The following PRDM6 variants were observed in gnomAD, a reference collection of about 807,000 sequenced individuals.
The protein encoded by PRDM6 is putative histone-lysine N-methyltransferase PRDM6.
A neutral mutation model predicts 60.8 loss-of-function variants in PRDM6; 25 were observed. The observed-to-expected ratio is 0.41, with a 90% confidence interval of 0.30 to 0.57. The LOEUF is 0.57. Among genes scored for constraint, PRDM6 ranks in the 20% least tolerant of loss-of-function variants. The pLI, the probability that PRDM6 is intolerant of heterozygous loss-of-function variation, is 0.27. For synonymous variants in PRDM6, 407 were observed against 357.4 expected, an observed-to-expected ratio of 1.14 and a Z score of -1.57; for missense variants, 839 against 821.3, an observed-to-expected ratio of 1.02 and a Z score of -0.26.
intron 3 of PRDM6, among the ~76,000 whole-genome samples, chr5:123,152,137 A>G (rs1561857830): frequency 1.3e-5 from 2 of 152,190 alleles, no homozygotes; most frequent in African/African-American, 2.4e-5. Flanking sequence ...CTAGGCTGTC[A>G]CTTCAAACAG....
intron 3 of PRDM6, among the ~76,000 whole-genome samples, chr5:123,138,446 T>G (rs1561844329): frequency 6.6e-6 from 1 of 152,254 alleles, no homozygotes; most frequent in South Asian, 2.1e-4. Flanking sequence ...TAAGCACCTA[T>G]ATAATCTCTG....
intron 3 of PRDM6, among the ~76,000 whole-genome samples, chr5:123,143,365 A>G (rs1373591195): frequency 5.3e-5 from 8 of 152,122 alleles, no homozygotes; most frequent in African/African-American, 1.9e-4. Context: ...CAGCCCACAG[A>G]TGCTTCCTGT....
intron 5 of PRDM6, among the ~76,000 whole-genome samples, chr5:123,164,180 A>G (rs1353450787): frequency 6.6e-6 from 1 of 152,168 alleles, no homozygotes; most frequent in African/African-American, 2.4e-5. Context: ...ACATAACCAC[A>G]ATATCAAACA....
At position 123,170,834 on chromosome 5, in the gene PRDM6, A is replaced by T. The variant is rs776863567; in HGVS notation, c.1222A>T (p.Ser408Cys). Residue 408 changes from serine (S) to cysteine (C), a missense_variant, in exon 6 of 8, where the codon AGC (serine) becomes TGC (cysteine). Physicochemically the swap from Ser to Cys is moderately radical, Grantham distance 112. This residue lies in a region of PRDM6 where 730 missense variants were observed against 648.8 expected (regional missense o/e 1.13). Transcript: ENST00000407847. ...QDALQPFNKSSKLAPTTQQRS... is the reference protein window; with the variant it reads ...QDALQPFNKSCKLAPTTQQRS... ...CGCCCTGCAGCCCTTCAACAAAAGC[A>T]GCAAACTCGCCCCTACCACCCAGCA... is the stretch of plus-strand genomic sequence containing the variant. The T allele has an allele frequency of 1.6e-5, 25 of 1,552,134 alleles. No individual in the cohort carries two copies. Among genetic ancestry groups the T allele is most frequent in the Non-Finnish European group, 2.2e-5 (25 of 1,147,118 alleles).
At chr5:123,167,348 G>A (rs576824054) in intron 5 of PRDM6, among the ~76,000 whole-genome samples, 4 of 151,004 alleles carry the variant, frequency 2.6e-5, no homozygotes, top group African/African-American at 7.3e-5. Context: ...AATATAAAAG[G>A]TTATGTGACC....
At position 123,099,598 on chromosome 5, in the gene PRDM6, C is replaced by G. The variant is rs335165; in HGVS notation, c.593-56C>G. 0.21 allele frequency: 288,969 copies of G among 1,402,632 alleles called. 32,499 individuals carry two copies. The highest frequency in any genetic ancestry group is 0.23 in the Non-Finnish European group (251,507 of 1,071,912). 86.9% of individuals were successfully genotyped at this position (1,402,632 alleles called of 1,614,324 possible). A position where few individuals can be genotyped will look rare whatever the true frequency, so the allele number is the denominator to read the frequency against. On this transcript the variant is annotated intron_variant, in intron 2 of 7. Transcript: ENST00000407847. The surrounding 1 kb of genome is among the most constrained non-coding windows in gnomAD (Gnocchi z 4.0). The stretch of plus-strand genomic sequence containing the variant: ...CGGGAGTTTACTCAAAGATGGGCCG[C>G]TCGGGGCGGCCGGATTAACCCGCTC...
rs983859340 is a variant in PRDM6 at position 123,090,287 on chromosome 5, C to T, written c.273C>T (p.Ser91=). 3 of 1,490,996 alleles carry T rather than the reference C, an allele frequency of 2.0e-6. No individual in the cohort carries two copies. The highest frequency in any genetic ancestry group is 2.2e-5 in the Admixed American group (1 of 45,174). 92.4% of individuals were successfully genotyped at this position (1,490,996 alleles called of 1,614,324 possible). The part of the protein sequence containing the change: ...STPASSSTSA[S]SASSCAAAAA... ...CGGCTTCCTCTTCCACCTCCGCCTC[C>T]TCCGCCTCCTCCTGCGCTGCTGCGG... Residue 91 remains serine (S), a synonymous_variant, in exon 2 of 8, where the codon TCC becomes TCT. Transcript: ENST00000407847.
chr5:123,139,243 A>G (rs4836465), intron 3 of PRDM6, among the ~76,000 whole-genome samples: 27,795 of 152,168 alleles, frequency 0.18, 3,135 homozygotes, highest in East Asian at 0.59. Flanking sequence ...ACACTAGTTC[A>G]GTTTTTAAAT....
At chr5:123,175,318 G>A (rs1176645660) in intron 6 of PRDM6, among the ~76,000 whole-genome samples, 1 of 152,110 alleles carries the variant, frequency 6.6e-6, no homozygotes, top group Non-Finnish European at 1.5e-5. Context: ...AGCCTCCTGG[G>A]CACACCATCA....
In PRDM6 at chr5:123,170,780, A is replaced by T; in HGVS notation, c.1168A>T (p.Thr390Ser). The change falls in exon 6 of 8, where the codon ACG becomes TCG. Residue 390 changes from threonine to serine, a missense_variant. By Grantham distance (58) the Thr-to-Ser change is moderately conservative. This residue lies in a region of PRDM6 where 730 missense variants were observed against 648.8 expected (regional missense o/e 1.13). Transcript: ENST00000407847. ...AQDENLNVPS[T>S]VMEAMCRQDA... is the part of the protein sequence containing the mutation. ...TATTCTCCTAGTAAATGTCCCTTCA[A>T]CGGTAATGGAAGCCATGTGCAGACA... 2 of 1,550,278 alleles carry T rather than the reference A, an allele frequency of 1.3e-6. No homozygotes were observed. Among genetic ancestry groups the T allele is most frequent in the Middle Eastern group, 1.7e-4 (1 of 5,990 alleles).
At chr5:123,117,523 T>C (rs1458548304) in intron 3 of PRDM6, among the ~76,000 whole-genome samples, 2 of 152,200 alleles carry the variant, frequency 1.3e-5, no homozygotes, top group African/African-American at 4.8e-5. Flanking sequence ...AGTTTGTGTC[T>C]GAAAAGTTTA....
At chr5:123,139,474 A>G (rs1428414363) in intron 3 of PRDM6, among the ~76,000 whole-genome samples, 1 of 152,130 alleles carries the variant, frequency 6.6e-6, no homozygotes, top group African/African-American at 2.4e-5. Flanking sequence ...TATGGATGAT[A>G]TTCAGTGAAA....
intron 2 of PRDM6, among the ~76,000 whole-genome samples, chr5:123,098,251 T>TC (rs1296144792): frequency 6.6e-6 from 1 of 152,222 alleles, no homozygotes; most frequent in Non-Finnish European, 1.5e-5. Context: ...CTCTGGCGCA[T>TC]CCATCAGTGG....
rs1766307075 is a variant in PRDM6 at position 123,187,179 on chromosome 5, C to T, written c.1766C>T (p.Pro589Leu). 1.9e-6 allele frequency: 3 copies of T among 1,551,010 alleles called. No homozygotes were observed. The highest frequency in any genetic ancestry group is 1.2e-5 in the South Asian group (1 of 84,034). Residue 589 changes from proline to leucine, a missense_variant, in exon 8 of 8, where the codon CCA becomes CTA. Transcript: ENST00000407847. Reference sequence around the variant, plus strand: ...GAGTGCAAGCCAATAACTGAGAGCCCAGAATCAATCGAAGTGGATTAACGG... The same window carrying T: ...GAGTGCAAGCCAATAACTGAGAGCCTAGAATCAATCGAAGTGGATTAACGG... ...PNECKPITESPESIEVD is the reference protein window; with the variant it reads ...PNECKPITESLESIEVD
intron 3 of PRDM6, among the ~76,000 whole-genome samples, chr5:123,119,451 C>T (rs1422469175): frequency 1.3e-5 from 2 of 152,192 alleles, no homozygotes; most frequent in East Asian, 1.9e-4. Context: ...GAAGGGCTTA[C>T]AGTCCTGCCA....
intron 3 of PRDM6, among the ~76,000 whole-genome samples, chr5:123,152,504 C>G (rs458839): frequency 6.6e-6 from 1 of 152,188 alleles, no homozygotes; most frequent in Non-Finnish European, 1.5e-5. Context: ...CTGAGAGCCA[C>G]TAGTTTGCAA....
chr5:123,176,877 A>C (rs1766024723), intron 6 of PRDM6, among the ~76,000 whole-genome samples: 1 of 152,184 alleles, frequency 6.6e-6, no homozygotes, highest in Non-Finnish European at 1.5e-5. Context: ...TATATCCAAA[A>C]ATTTAATAAG....
chr5:123,139,596 A>G (rs912171084), intron 3 of PRDM6, among the ~76,000 whole-genome samples: 2 of 152,278 alleles, frequency 1.3e-5, no homozygotes, highest in East Asian at 1.9e-4. Context: ...TTAGAGAATC[A>G]TTACTGGTAT....
intron 4 of PRDM6, among the ~76,000 whole-genome samples, chr5:123,158,942 C>T (rs1765568124): frequency 6.6e-6 from 1 of 152,138 alleles, no homozygotes. Context: ...AAGTGCTCCT[C>T]TTGTATTTAT....
Sources: allele counts gnomAD v4.1 joint callset (sites outside exome capture counted in the v4.1 genomes callset), GRCh38; gene constraint gnomAD v4.1.1; regional missense constraint gnomAD v4.1.1; non-coding constraint Gnocchi (gnomAD v3.1); transcripts MANE v1.5; gene names NCBI Gene and HGNC (gene_info 2026-07-23, HGNC 2026-07-21).